SLC30A9: variants seen among roughly 807,000 people sequenced by gnomAD.
The protein encoded by SLC30A9 is solute carrier family 30 member 9, also known as proton-coupled zinc antiporter SLC30A9, mitochondrial.
Under a neutral mutation model 87.5 loss-of-function variants are expected in SLC30A9, and 58 were observed. The observed-to-expected ratio is 0.66, with a 90% CI of 0.54 to 0.82. The LOEUF (loss-of-function observed/expected upper bound fraction) is 0.82. Ranked by LOEUF, SLC30A9 falls within the 40% of genes least tolerant of loss-of-function variation. The probability of loss-of-function intolerance (pLI) is 0.00; values close to 1 mark genes in which losing one functional copy is unlikely to be tolerated. For missense variants in SLC30A9, 557 were observed against 679.1 expected (o/e 0.82, Z 2.00); for synonymous variants, 234 against 233.0 (o/e 1.00, Z -0.04).
At chr4:41,999,278 C>A in intron 1 of SLC30A9, among the ~76,000 whole-genome samples, 1 of 152,130 alleles carries the variant, frequency 6.6e-6, no homozygotes, top group Non-Finnish European at 1.5e-5. Flanking sequence ...CCTATATGAA[C>A]TACTTTTCTG....
chr4:42,065,394 A>T, intron 12 of SLC30A9, 45 bp downstream of exon 12: 1 of 1,009,596 alleles, frequency 9.9e-7, no homozygotes, highest in Non-Finnish European at 1.6e-6. Flanking sequence ...ATTTAGTAAT[A>T]TATATTCAGC....
chr4:41,993,162 C>T lies in SLC30A9; in HGVS notation c.109+2402C>T, dbSNP rs899196812. Among the ~76,000 whole-genome samples the T allele has an allele frequency of 7.4e-5, 11 of 149,658 alleles. No homozygotes were observed. The East Asian group carries it at 7.8e-4, about 11-fold the overall frequency. Reference sequence around the variant, plus strand: ...TATATCCTAGAATTAATTTTAATAACGAAATTTATATATTTTAATAATAAA... The same window carrying T: ...TATATCCTAGAATTAATTTTAATAATGAAATTTATATATTTTAATAATAAA... On this transcript the variant is annotated intron_variant, in intron 1 of 17. Coordinates refer to ENST00000264451, the MANE Select transcript of SLC30A9 (RefSeq NM_006345.4).
chr4:42,032,558 A>G (rs972603940), intron 6 of SLC30A9, among the ~76,000 whole-genome samples: 1 of 152,190 alleles, frequency 6.6e-6, no homozygotes, highest in South Asian at 2.1e-4. Flanking sequence ...TTGTGAGACA[A>G]TTATGGTCAA....
At chr4:41,995,109 A>C (rs1427696424) in intron 1 of SLC30A9, among the ~76,000 whole-genome samples, 2 of 151,882 alleles carry the variant, frequency 1.3e-5, no homozygotes, top group Non-Finnish European at 2.9e-5. Flanking sequence ...AACACAAAAA[A>C]ATTAGCTGGG....
chr4:42,006,412 G>T (rs973491726), intron 2 of SLC30A9, among the ~76,000 whole-genome samples: 1 of 152,206 alleles, frequency 6.6e-6, no homozygotes, highest in Non-Finnish European at 1.5e-5. Flanking sequence ...TATTGGCCAG[G>T]TGTGGTGGCT....
At chr4:42,056,667 G>A (rs1717629387) in intron 9 of SLC30A9, among the ~76,000 whole-genome samples, 1 of 152,042 alleles carries the variant, frequency 6.6e-6, no homozygotes, top group Admixed American at 6.5e-5. Flanking sequence ...AACCAGTCAT[G>A]CCTTCCCAAC....
chr4:42,066,503 G>C, intron 12 of SLC30A9, 47 bp from the exon 13 acceptor site: 1 of 1,235,702 alleles, frequency 8.1e-7, no homozygotes, highest in Non-Finnish European at 1.2e-6. Flanking sequence ...TTTAAAGTTT[G>C]GAGGCATGAA....
intron 17 of SLC30A9, among the ~76,000 whole-genome samples, chr4:42,081,412 T>C (rs1718736657): frequency 6.6e-6 from 1 of 152,174 alleles, no homozygotes; most frequent in Non-Finnish European, 1.5e-5. Context: ...TTACCCACCA[T>C]TGTTTTTATG....
At chr4:41,998,621 G>T (rs1051696207) in intron 1 of SLC30A9, among the ~76,000 whole-genome samples, 3 of 151,982 alleles carry the variant, frequency 2.0e-5, no homozygotes, top group African/African-American at 4.8e-5. Flanking sequence ...CCACCGCCAC[G>T]TCTGGCTGAT....
intron 2 of SLC30A9, among the ~76,000 whole-genome samples, chr4:42,011,606 G>A (rs1228952872): frequency 6.6e-6 from 1 of 152,124 alleles, no homozygotes; most frequent in African/African-American, 2.4e-5. Flanking sequence ...AGGGTAAGAT[G>A]GTGAACTCTA....
intron 10 of SLC30A9, among the ~76,000 whole-genome samples, chr4:42,061,471 T>G (rs1475695748): frequency 6.6e-6 from 1 of 152,232 alleles, no homozygotes; most frequent in Non-Finnish European, 1.5e-5. Flanking sequence ...TGAATATATA[T>G]TCATGTTACT....
chr4:42,001,747 C>T lies in SLC30A9; in HGVS notation c.241C>T (p.Leu81Phe). ...GAAAGAAGGACAGGGATCACAAACA[C>T]TCAGAGTGGAAAAAGTACCATCATT... Reference protein sequence around the residue: ...VQKEGQGSQTLRVEKVPSFET... With the variant: ...VQKEGQGSQTFRVEKVPSFET... The change falls in exon 2 of 18, where the codon CTC (leucine) becomes TTC (phenylalanine). Residue 81 changes from leucine to phenylalanine, a missense_variant. Around this residue, in one of 2 missense-constraint regions of SLC30A9, gnomAD observed 467 missense variants for 529.8 expected, o/e 0.88. Transcript: ENST00000264451. The T allele has an allele frequency of 1.2e-6, 2 of 1,609,968 alleles. No individual in the cohort carries two copies. The highest frequency in any genetic ancestry group is 1.1e-5 in the South Asian group (1 of 90,422).
chr4:42,007,106 T>A (rs1715238253), intron 2 of SLC30A9, among the ~76,000 whole-genome samples: 1 of 152,106 alleles, frequency 6.6e-6, no homozygotes, highest in African/African-American at 2.4e-5. Context: ...TTGAAAGTAG[T>A]AGTACAAATG....
At chr4:42,002,231 C>CT (rs1715016840) in intron 2 of SLC30A9, among the ~76,000 whole-genome samples, 3 of 151,376 alleles carry the variant, frequency 2.0e-5, no homozygotes, top group Admixed American at 6.6e-5. Flanking sequence ...TCCTTTCTGC[C>CT]TTTTTTTGGG....
rs1396802613 is a variant in SLC30A9, at chr4:42,066,606, T to A, written c.1129T>A (p.Ser377Thr). The change falls in exon 13 of 18, where the codon TCA (serine) becomes ACA (threonine). Residue 377 changes from serine to threonine, a missense_variant. By Grantham distance (58) the Ser-to-Thr change is moderately conservative (BLOSUM62 1). Around this residue, in one of 2 missense-constraint regions of SLC30A9, gnomAD observed 467 missense variants for 529.8 expected, o/e 0.88. Transcript: ENST00000264451. ...LRRNARAKGM[S>T]FYKYVMESRD... ...TAGGAATGCTCGGGCTAAAGGAATG[T>A]CATTTTACAAGTATGGTATGTATTT... 2 of 1,606,914 alleles carry A rather than the reference T, an allele frequency of 1.2e-6. No individual in the cohort carries two copies. The highest frequency in any genetic ancestry group is 2.7e-5 in the African/African-American group (2 of 74,738).
In SLC30A9 at chr4:42,018,170, G is replaced by T; in HGVS notation, c.334G>T (p.Val112Phe). The change falls in exon 3 of 18, where the codon GTT (valine) becomes TTT (phenylalanine). Residue 112 changes from valine to phenylalanine, a missense_variant and splice_region_variant. Coordinates refer to ENST00000264451, the MANE Select transcript of SLC30A9 (RefSeq NM_006345.4). ...TAAGCAAGAACCTCTCCAAGTAAGA[G>T]GTAAATATATTTTATCCTATTTTTG... ...PLKQEPLQVR[V>F]KAVLKKREYG... 1 of 1,509,816 alleles carries T rather than the reference G, an allele frequency of 6.6e-7. No homozygotes were observed. Among genetic ancestry groups the T allele is most frequent in the Non-Finnish European group, 9.2e-7 (1 of 1,090,898 alleles). The allele number at this position is 1,509,816 out of a possible 1,614,324, so 93.5% of individuals were successfully genotyped here.
intron 9 of SLC30A9, among the ~76,000 whole-genome samples, chr4:42,053,897 C>T (rs1339934464): frequency 6.6e-6 from 1 of 151,938 alleles, no homozygotes; most frequent in African/African-American, 2.4e-5. Flanking sequence ...GTATCTCCAG[C>T]AAGGAACTTT....
chr4:42,033,882 C>CT (rs1313123137), intron 6 of SLC30A9, among the ~76,000 whole-genome samples: 1 of 152,120 alleles, frequency 6.6e-6, no homozygotes, highest in South Asian at 2.1e-4. Flanking sequence ...GCTGCTCTTG[C>CT]TTTTTTTACT....
chr4:42,023,925 C>T (rs10461059), intron 6 of SLC30A9, among the ~76,000 whole-genome samples: 98,287 of 151,908 alleles, frequency 0.65, 35,979 homozygotes, highest in East Asian at 0.96. Flanking sequence ...CATCAGATCT[C>T]GAGAACTCAG....
Sources: allele counts gnomAD v4.1 joint callset (sites outside exome capture counted in the v4.1 genomes callset), GRCh38; gene constraint gnomAD v4.1.1; regional missense constraint gnomAD v4.1.1; transcripts MANE v1.5; gene names NCBI Gene and HGNC (gene_info 2026-07-23, HGNC 2026-07-21).